Variants in PLAT observed in about 807,000 individuals in gnomAD.
PLAT encodes plasminogen activator, tissue type.
In PLAT, 48 loss-of-function variants were observed where a neutral mutation model predicts 74.9. The observed-to-expected ratio is 0.64, with a 90% CI of 0.51 to 0.82. The LOEUF (loss-of-function observed/expected upper bound fraction) is 0.82, where lower values mean the gene tolerates loss of function less well. PLAT is among the 40% of genes least tolerant of loss of function. PLAT has a pLI of 0.00. For synonymous variants in PLAT, 307 were observed against 294.4 expected (o/e 1.04, Z -0.44); for missense variants, 673 against 736.2 (o/e 0.91, Z 0.99).
Position 42,175,510 on chromosome 8 carries a change from C to CA in PLAT, c.*482dup, listed in dbSNP as rs1804930268. 5 of 154,000 alleles carry CA rather than the reference C, an allele frequency of 3.2e-5. No homozygotes were observed. The highest frequency in any genetic ancestry group is 3.2e-4 in the Admixed American group (5 of 15,680). The allele number at this position is 154,000 out of a possible 1,614,324, so 9.5% of individuals were successfully genotyped here. On this transcript the variant is annotated 3_prime_UTR_variant, in exon 14 of 14. Transcript: ENST00000220809. ...GGTGCTTTTGAGGAACATGACGGGC[C>CA]AGCCAGCCTGCCCCAACTTTGAGGC...
chr8:42,196,905 G>GA (rs979093031), intron 1 of PLAT, among the ~76,000 whole-genome samples: 3 of 151,630 alleles, frequency 2.0e-5, no homozygotes, highest in South Asian at 2.1e-4. Context: ...GATAGAAAAG[G>GA]AAAAAAAAGA....
At chr8:42,204,713 T>TA (rs76761892) in intron 1 of PLAT, among the ~76,000 whole-genome samples, 5,761 of 122,032 alleles carry the variant, frequency 0.047, 316 homozygotes, top group African/African-American at 0.15. Context: ...GACTCCATCT[T>TA]AAAAAAAAAA....
At chr8:42,200,912 C>T (rs568591517) in intron 1 of PLAT, among the ~76,000 whole-genome samples, 1 of 152,202 alleles carries the variant, frequency 6.6e-6, no homozygotes, top group East Asian at 1.9e-4. Context: ...TCACTGCAAC[C>T]TCCGCCTCCT....
rs763345162 is a variant in PLAT, at chr8:42,196,571, G to A, written c.-26-3360C>T. 7.9e-5 allele frequency among the ~76,000 whole-genome samples: 12 copies of A among 152,324 alleles called. 1 individual carries two copies. Among genetic ancestry groups the A allele is most frequent in the East Asian group, 5.8e-4 (3 of 5,178 alleles). ...TTTCGCCTTCGCTGAAGAGGTGGGC[G>A]TCGAGGTCTGGGGCCAGTGACGGGA... is the stretch of plus-strand genomic sequence containing the variant. On this transcript the variant is annotated intron_variant, in intron 1 of 13. Coordinates refer to ENST00000220809, the MANE Select transcript of PLAT (RefSeq NM_000930.5).
At chr8:42,199,412 G>T (rs1343375080) in intron 1 of PLAT, among the ~76,000 whole-genome samples, 1 of 152,180 alleles carries the variant, frequency 6.6e-6, no homozygotes, top group Non-Finnish European at 1.5e-5. Context: ...TTCAAGACCA[G>T]CCTAGGCAAC....
chr8:42,203,913 T>C (rs1806227628), intron 1 of PLAT, among the ~76,000 whole-genome samples: 1 of 150,228 alleles, frequency 6.7e-6, no homozygotes, highest in Non-Finnish European at 1.5e-5. Context: ...TTCAGTGACC[T>C]ACGATCACAC....
rs1306136878 is a variant in PLAT at position 42,180,011 on chromosome 8, G to A, written c.1278C>T (p.Val426=). ...SSRCAQESSV[V]RTVCLPPADL... ...CCGCCGGGGGAAGGCACACAGTGCG[G>A]ACCACGCTGCTCTCCTGGGCACAGC... is the stretch of plus-strand genomic sequence containing the variant. The change falls in exon 12 of 14, where the codon GTC becomes GTT. Residue 426 remains valine, a synonymous_variant. Coordinates refer to ENST00000220809, the MANE Select transcript of PLAT (RefSeq NM_000930.5). The A allele has an allele frequency of 1.2e-6, 2 of 1,610,056 alleles. No homozygotes were observed. Among genetic ancestry groups the A allele is most frequent in the Non-Finnish European group, 1.7e-6 (2 of 1,177,910 alleles).
intron 4 of PLAT, chr8:42,188,424 C>T (rs187702380): frequency 6.4e-5 from 11 of 171,138 alleles, no homozygotes; most frequent in African/African-American, 2.6e-4. Context: ...GGCAAGCGGG[C>T]ATTTGCCCAA....
chr8:42,177,033 G>GCAGTGGCGCAATCTCAGCT (rs1805000906), intron 13 of PLAT, among the ~76,000 whole-genome samples: 1 of 152,010 alleles, frequency 6.6e-6, no homozygotes, highest in Non-Finnish European at 1.5e-5. Context: ...AGGCTGGAGT[G>GCAGTGGCGCAATCTCAGCT]CAGTGGCGCA....
intron 9 of PLAT, 161 bp from the exon 10 acceptor site, chr8:42,180,846 A>G (rs760635640): frequency 3.2e-5 from 19 of 589,246 alleles, no homozygotes; most frequent in South Asian, 3.1e-4. Context: ...TCCCACAGCG[A>G]TAAGTTTCAG....
chr8:42,188,362 A>C (rs150894594), intron 4 of PLAT: 59 of 215,330 alleles, frequency 2.7e-4, no homozygotes, highest in African/African-American at 1.2e-3. Flanking sequence ...CCTCACAGCA[A>C]ACCATGAAGT....
Position 42,188,980 on chromosome 8 carries a change from G to A in PLAT, c.207C>T (p.Cys69=), listed in dbSNP as rs374246260. The change falls in exon 4 of 14, where the codon TGC becomes TGT. Residue 69 remains cysteine, a synonymous_variant. Transcript: ENST00000220809. ...PVLRSNRVEY[C]WCNSGRAQCH... is the part of the protein sequence containing the mutation. ...ACTGTGCCCTGCCACTGTTGCACCA[G>A]CAATATTCCACCCGGTTGCTTCTGA... The A allele has an allele frequency of 3.6e-5, 58 of 1,614,010 alleles. 1 individual carries two copies. In the African/African-American group the frequency reaches 6.5e-4, roughly 18 times the overall value.
At chr8:42,182,151 C>G (rs902306830) in intron 8 of PLAT, 129 bp from the exon 9 acceptor site, 2 of 601,624 alleles carry the variant, frequency 3.3e-6, no homozygotes, top group Non-Finnish European at 3.0e-6. Flanking sequence ...CCTGCCTCAG[C>G]CTCCCAAAGT....
chr8:42,183,318 C>G (rs1387120296), intron 7 of PLAT, among the ~76,000 whole-genome samples: 1 of 152,156 alleles, frequency 6.6e-6, no homozygotes, highest in East Asian at 1.9e-4. Context: ...CTTTTTCCCC[C>G]TCTTTGAGTC....
chr8:42,182,923 A>G, intron 7 of PLAT, 33 bp from the exon 8 acceptor site: 2 of 1,579,026 alleles, frequency 1.3e-6, no homozygotes, highest in Non-Finnish European at 8.7e-7. Flanking sequence ...CTGAAACAAA[A>G]ACAAATTCTG....
rs896992671 is a variant in PLAT, at chr8:42,175,936, C to G, written c.*57G>C. 135 of 1,585,510 alleles carry G rather than the reference C, an allele frequency of 8.5e-5. No individual in the cohort carries two copies. Among genetic ancestry groups the G allele is most frequent in the Admixed American group, 1.7e-4 (10 of 59,486 alleles). On this transcript the variant is annotated 3_prime_UTR_variant, in exon 14 of 14. Coordinates refer to ENST00000220809, the MANE Select transcript of PLAT (RefSeq NM_000930.5). ...GAGAAGCACTGCGCCTTTGCAGTGT[C>G]TTCTGAAGAAGAAGAGGCGGGATCT...
At chr8:42,204,262 C>T (rs1423600760) in intron 1 of PLAT, among the ~76,000 whole-genome samples, 1 of 151,950 alleles carries the variant, frequency 6.6e-6, no homozygotes, top group Non-Finnish European at 1.5e-5. Context: ...AGGTTTATAG[C>T]CTGACACTAT....
In PLAT at chr8:42,182,703, C is replaced by T; in HGVS notation, c.803+16G>A. On this transcript the variant is annotated intron_variant, in intron 8 of 13. Coordinates refer to ENST00000220809, the MANE Select transcript of PLAT (RefSeq NM_000930.5). ...GTTCTGCCAAGACCTGAACCCCCCA[C>T]CCCTGTGCTACCTACCGGCAGTAAT... The T allele has an allele frequency of 6.3e-7, 1 of 1,590,350 alleles. No individual in the cohort carries two copies. The highest frequency in any genetic ancestry group is 8.6e-7 in the Non-Finnish European group (1 of 1,167,410).
At chr8:42,182,257 G>C in intron 8 of PLAT, 1 of 431,826 alleles carries the variant, frequency 2.3e-6, no homozygotes, top group South Asian at 2.2e-5. Context: ...AGAGTAGAAG[G>C]AGACTCAGTC....
Sources: allele counts gnomAD v4.1 joint callset (sites outside exome capture counted in the v4.1 genomes callset), GRCh38; gene constraint gnomAD v4.1.1; transcripts MANE v1.5; gene names NCBI Gene and HGNC (gene_info 2026-07-23, HGNC 2026-07-21).